Variants in SLC5A3 observed in about 807,000 individuals in gnomAD.
SLC5A3 encodes sodium/myo-inositol cotransporter.
In SLC5A3, 10 loss-of-function variants were observed where a neutral mutation model predicts 43.2. The ratio of observed to expected loss-of-function variants is 0.23; its 90% confidence interval spans 0.14 to 0.39. The LOEUF (loss-of-function observed/expected upper bound fraction) is 0.39, where lower values mean the gene tolerates loss of function less well. Ranked by LOEUF, SLC5A3 falls within the 10% of genes least tolerant of loss-of-function variation. The probability of loss-of-function intolerance (pLI) is 1.00; values close to 1 mark genes in which losing one functional copy is unlikely to be tolerated. For synonymous variants in SLC5A3, 349 were observed against 322.0 expected, an observed-to-expected ratio of 1.08 and a Z score of -0.90; for missense variants, 608 against 893.4, an observed-to-expected ratio of 0.68 and a Z score of 4.07.
chr21:34,078,761 G>A (rs938007396), intron 1 of SLC5A3, among the ~76,000 whole-genome samples: 2 of 152,182 alleles, frequency 1.3e-5, no homozygotes, highest in African/African-American at 4.8e-5. Context: ...GTGGAAGGAA[G>A]GGTAGAGAAC....
At chr21:34,076,444 AT>A (rs1569411359) in intron 1 of SLC5A3, among the ~76,000 whole-genome samples, 1 of 152,222 alleles carries the variant, frequency 6.6e-6, no homozygotes, top group Non-Finnish European at 1.5e-5. Context: ...AGTCAGTCAT[AT>A]TGAACTATAC....
intron 1 of SLC5A3, among the ~76,000 whole-genome samples, chr21:34,083,134 CTTTAAT>C (rs1202534153): frequency 1.3e-5 from 2 of 152,110 alleles, no homozygotes. Context: ...TGGTTAAGTG[CTTTAAT>C]TTTGTCAGGT....
Position 34,106,153 on chromosome 21 carries a change from C to G in SLC5A3, c.*8798C>G. 3.0e-6 allele frequency: 3 copies of G among 991,640 alleles called. No individual in the cohort carries two copies. The highest frequency in any genetic ancestry group is 3.6e-6 in the Non-Finnish European group (3 of 822,046). The allele number at this position is 991,640 out of a possible 1,614,324, so 61.4% of individuals were successfully genotyped here. ...AACTTAAGATGAACTACATTTCTTGCAAAGTACATTCCTTTCTGTGGTATT... is the reference window on the plus strand; with the variant it reads ...AACTTAAGATGAACTACATTTCTTGGAAAGTACATTCCTTTCTGTGGTATT... On this transcript the variant is annotated 3_prime_UTR_variant, in exon 2 of 2. Transcript: ENST00000381151.
rs1485475772 is a variant in SLC5A3, at chr21:34,096,827, C to T, written c.1629C>T (p.Thr543=). The change falls in exon 2 of 2, where the codon ACC becomes ACT. Residue 543 remains threonine, a synonymous_variant. Coordinates refer to ENST00000381151, the MANE Select transcript of SLC5A3 (RefSeq NM_006933.7). The surrounding 1 kb of genome is among the most constrained non-coding windows in gnomAD (Gnocchi z 5.9). ...TPPPTKEQIR[T]TTFWSKKNLV... ...CTCCCACAAAGGAACAGATTCGAAC[C>T]ACCACCTTTTGGTCTAAGAAGAACC... is the stretch of plus-strand genomic sequence containing the variant. 6.8e-6 allele frequency: 11 copies of T among 1,613,884 alleles called. No homozygotes were observed. The highest frequency in any genetic ancestry group is 1.3e-5 in the African/African-American group (1 of 74,894).
At chr21:34,091,128 A>G (rs1373387413) in intron 1 of SLC5A3, among the ~76,000 whole-genome samples, 3 of 152,248 alleles carry the variant, frequency 2.0e-5, no homozygotes, top group African/African-American at 7.2e-5. Context: ...GGGCTCATCA[A>G]GCTTACCATT....
At chr21:34,092,449 CG>C (rs1255877321) in intron 1 of SLC5A3, among the ~76,000 whole-genome samples, 1 of 152,136 alleles carries the variant, frequency 6.6e-6, no homozygotes, top group Non-Finnish European at 1.5e-5. Context: ...GAAGCCTAGG[CG>C]GAGAGTTGAG....
At chr21:34,080,323 G>C (rs1194920939) in intron 1 of SLC5A3, among the ~76,000 whole-genome samples, 1 of 152,188 alleles carries the variant, frequency 6.6e-6, no homozygotes, top group Non-Finnish European at 1.5e-5. Flanking sequence ...ATCCAAGGCT[G>C]TCTCAGTATG....
intron 1 of SLC5A3, among the ~76,000 whole-genome samples, chr21:34,094,241 C>T (rs933888263): frequency 6.6e-6 from 1 of 152,128 alleles, no homozygotes; most frequent in African/African-American, 2.4e-5. Flanking sequence ...CAGGGGGCGT[C>T]TCACAAGATC....
rs747681366 is a variant in SLC5A3 at position 34,101,872 on chromosome 21, T to C, written c.*4517T>C. ...ATTCTCAAAACTCCTTTTTCAAAAA[T>C]TAGGGAGAGAGCAGTAGTGATCATT... On this transcript the variant is annotated 3_prime_UTR_variant, in exon 2 of 2. Coordinates refer to ENST00000381151, the MANE Select transcript of SLC5A3 (RefSeq NM_006933.7). 134 of 1,000,034 alleles carry C rather than the reference T, an allele frequency of 1.3e-4. 1 individual carries two copies. Among genetic ancestry groups the C allele is most frequent in the Non-Finnish European group, 1.5e-4 (126 of 829,944 alleles). 61.9% of individuals were successfully genotyped at this position (1,000,034 alleles called of 1,614,324 possible). A position where few individuals can be genotyped will look rare whatever the true frequency, so the allele number is the denominator to read the frequency against.
chr21:34,073,835 C>A, intron 1 of SLC5A3, 90 bp downstream of exon 1: 1 of 1,019,512 alleles, frequency 9.8e-7, no homozygotes, highest in South Asian at 1.8e-5. Context: ...GGCCGCGGGA[C>A]CCCGGGCCTT....
At position 34,103,065 on chromosome 21, in the gene SLC5A3, A is replaced by T. The variant is rs947986058; in HGVS notation, c.*5710A>T. On this transcript the variant is annotated 3_prime_UTR_variant, in exon 2 of 2. Transcript: ENST00000381151. ...CTAGACTTCTGTAAGTGGAATGTTC[A>T]TTAGTAACTCATCTTTTTGTTGTTA... The T allele has an allele frequency of 1.0e-5, 10 of 1,000,004 alleles. No individual in the cohort carries two copies. The African/African-American group carries it at 1.7e-4, about 17-fold the overall frequency. 61.9% of individuals were successfully genotyped at this position (1,000,004 alleles called of 1,614,324 possible). A position where few individuals can be genotyped will look rare whatever the true frequency, so the allele number is the denominator to read the frequency against.
chr21:34,096,062 A>G lies in SLC5A3; in HGVS notation c.864A>G (p.Ala288=), dbSNP rs781780401. Residue 288 remains alanine (A), a synonymous_variant, in exon 2 of 2, where the codon GCA becomes GCG. Coordinates refer to ENST00000381151, the MANE Select transcript of SLC5A3 (RefSeq NM_006933.7). The surrounding 1 kb of genome is among the most constrained non-coding windows in gnomAD (Gnocchi z 5.9). ...ADQVIVQRVL[A]AKNIAHAKGS... Reference sequence around the variant, plus strand: ...AAGTCATCGTGCAGAGGGTCCTTGCAGCCAAAAACATTGCTCATGCCAAAG... The same window carrying G: ...AAGTCATCGTGCAGAGGGTCCTTGCGGCCAAAAACATTGCTCATGCCAAAG... 6.2e-7 allele frequency: 1 copy of G among 1,614,132 alleles called. No individual in the cohort carries two copies. Among genetic ancestry groups the G allele is most frequent in the South Asian group, 1.1e-5 (1 of 91,082 alleles).
rs551663714 is a variant in SLC5A3 at position 34,097,653 on chromosome 21, T to C, written c.*298T>C. 2.4e-5 allele frequency: 26 copies of C among 1,089,340 alleles called. 1 individual carries two copies. The African/African-American group carries it at 4.2e-4, about 17-fold the overall frequency. 67.5% of individuals were successfully genotyped at this position (1,089,340 alleles called of 1,614,324 possible). The stretch of plus-strand genomic sequence containing the variant: ...CACAGAGCACTTAGAGCAGAATATA[T>C]GTTAAGTTACCATGAATTAAGGTAT... On this transcript the variant is annotated 3_prime_UTR_variant, in exon 2 of 2. Transcript: ENST00000381151.
At chr21:34,074,805 CGA>C (rs1471404381) in intron 1 of SLC5A3, among the ~76,000 whole-genome samples, 1 of 152,194 alleles carries the variant, frequency 6.6e-6, no homozygotes, top group Non-Finnish European at 1.5e-5. Flanking sequence ...AGGTCAATTG[CGA>C]GGAGTATTAC....
At chr21:34,078,235 C>T (rs1156683939) in intron 1 of SLC5A3, among the ~76,000 whole-genome samples, 1 of 152,076 alleles carries the variant, frequency 6.6e-6, no homozygotes, top group Non-Finnish European at 1.5e-5. Context: ...AACCAGGCAA[C>T]TTAAAATAGT....
chr21:34,073,852 C>G lies in SLC5A3; in HGVS notation c.-337+107C>G, dbSNP rs933066791. 2.0e-5 allele frequency: 14 copies of G among 698,978 alleles called. No individual in the cohort carries two copies. In the African/African-American group the frequency reaches 2.4e-4, roughly 12 times the overall value. The allele number at this position is 698,978 out of a possible 1,614,324, so 43.3% of individuals were successfully genotyped here. A position where few individuals can be genotyped will look rare whatever the true frequency, so the allele number is the denominator to read the frequency against. The stretch of plus-strand genomic sequence containing the variant: ...CCGCGGGACCCCGGGCCTTCCTGCA[C>G]TCCTCGGAGGAGGCCGGGGCGGCGG... On this transcript the variant is annotated intron_variant, in intron 1 of 1. Transcript: ENST00000381151.
chr21:34,077,258 G>A (rs1989354653), intron 1 of SLC5A3, among the ~76,000 whole-genome samples: 1 of 152,212 alleles, frequency 6.6e-6, no homozygotes, highest in Non-Finnish European at 1.5e-5. Flanking sequence ...ATAATGTAGA[G>A]GAGCTTAGGA....
At chr21:34,076,142 G>GAT in intron 1 of SLC5A3, among the ~76,000 whole-genome samples, 1 of 152,280 alleles carries the variant, frequency 6.6e-6, no homozygotes, top group Non-Finnish European at 1.5e-5. Context: ...CTTTAACAGC[G>GAT]GATATGGAAG....
intron 1 of SLC5A3, among the ~76,000 whole-genome samples, chr21:34,079,633 T>G (rs1236840759): frequency 1.4e-5 from 1 of 72,530 alleles, no homozygotes; most frequent in Non-Finnish European, 3.1e-5. Flanking sequence ...TTTTTTTTTT[T>G]AGTAGAGATG....
Sources: allele counts gnomAD v4.1 joint callset (sites outside exome capture counted in the v4.1 genomes callset), GRCh38; gene constraint gnomAD v4.1.1; non-coding constraint Gnocchi (gnomAD v3.1); transcripts MANE v1.5; gene names NCBI Gene and HGNC (gene_info 2026-07-23, HGNC 2026-07-21).